The following NLGN4X variants were observed in gnomAD, a reference collection of about 807,000 sequenced individuals.
The protein encoded by NLGN4X is neuroligin-4, X-linked.
Under a neutral mutation model 40.3 loss-of-function variants are expected in NLGN4X, and 3 were observed. That is an observed-to-expected ratio of 0.07 (90% confidence interval 0.03 to 0.19). The LOEUF is 0.19. Among genes scored for constraint, NLGN4X ranks in the 10% least tolerant of loss-of-function variants. The pLI is 1.00. For synonymous variants in NLGN4X, 270 were observed against 306.8 expected, an observed-to-expected ratio of 0.88 and a Z score of 1.25; for missense variants, 382 against 708.3, an observed-to-expected ratio of 0.54 and a Z score of 5.23.
intron 3 of NLGN4X, among the ~76,000 whole-genome samples, chrX:5,972,977 T>C (rs1346099232): frequency 8.9e-6 from 1 of 112,368 alleles, no homozygotes; most frequent in East Asian, 2.8e-4. Context: ...TTTTTCAGAA[T>C]ATATAAAAGT....
intron 2 of NLGN4X, among the ~76,000 whole-genome samples, chrX:6,070,506 G>A (rs2038032800): frequency 9.0e-6 from 1 of 111,590 alleles, no homozygotes; most frequent in Non-Finnish European, 1.9e-5. Flanking sequence ...CACTTTGGGA[G>A]GTCTAGGTGG....
At chrX:6,088,471 A>G (rs369735870) in intron 2 of NLGN4X, among the ~76,000 whole-genome samples, 6 of 111,933 alleles carry the variant, frequency 5.4e-5, no homozygotes, top group East Asian at 2.8e-4. Flanking sequence ...AGTTTGTAAC[A>G]CTACCTGAGT....
intron 3 of NLGN4X, among the ~76,000 whole-genome samples, chrX:6,018,453 G>A (rs2036448356): frequency 8.9e-6 from 1 of 111,909 alleles, no homozygotes; most frequent in African/African-American, 3.3e-5. Context: ...GTGTTTCTCT[G>A]TGAGATCATG....
At chrX:5,944,082 T>C (rs1223950405) in intron 3 of NLGN4X, among the ~76,000 whole-genome samples, 1 of 111,998 alleles carries the variant, frequency 8.9e-6, no homozygotes, top group Admixed American at 9.5e-5. Context: ...GAAATGTCTG[T>C]TGTGTTATAA....
At chrX:5,901,118 T>C (rs1047547009) in intron 5 of NLGN4X, among the ~76,000 whole-genome samples, 11 of 111,516 alleles carry the variant, frequency 9.9e-5, no homozygotes, top group Admixed American at 1.9e-4. Flanking sequence ...GGTGATACCT[T>C]TTCCACTCCA....
At chrX:5,899,943 T>C (rs756825381) in intron 5 of NLGN4X, among the ~76,000 whole-genome samples, 1 of 112,189 alleles carries the variant, frequency 8.9e-6, no homozygotes, top group African/African-American at 3.2e-5. Context: ...AAAGAGAGTG[T>C]TTGCAGACCA....
intron 3 of NLGN4X, among the ~76,000 whole-genome samples, chrX:6,016,404 A>AC (rs1346336288): frequency 3.6e-5 from 4 of 111,725 alleles, no homozygotes; most frequent in African/African-American, 1.3e-4. Context: ...TCAAAAATAA[A>AC]CCCCCAAACA....
intron 2 of NLGN4X, among the ~76,000 whole-genome samples, chrX:6,035,879 C>T (rs977329332): frequency 6.3e-5 from 7 of 111,807 alleles, no homozygotes; most frequent in Admixed American, 5.7e-4. Context: ...TTTCTTTTCT[C>T]TAACTTAGTT....
chrX:6,064,988 T>C (rs1191790854), intron 2 of NLGN4X, among the ~76,000 whole-genome samples: 3 of 111,521 alleles, frequency 2.7e-5, no homozygotes, highest in Non-Finnish European at 5.6e-5. Context: ...TGGAGGCCAT[T>C]ATCTTAAGAG....
intron 1 of NLGN4X, among the ~76,000 whole-genome samples, chrX:6,175,655 G>GAAAAAAAAAAAAAAAAAAAAAAAAAAA (rs3045369): frequency 6.6e-5 from 4 of 60,993 alleles, no homozygotes; most frequent in African/African-American, 2.6e-4. Context: ...ATCTATTACA[G>GAAAAAAAAAAAAAAAAAAAAAAAAAAA]AAAAAAAAAA....
intron 2 of NLGN4X, among the ~76,000 whole-genome samples, chrX:6,127,760 G>A (rs2039592071): frequency 8.9e-6 from 1 of 112,319 alleles, no homozygotes; most frequent in Non-Finnish European, 1.9e-5. Context: ...ATGAAATTCT[G>A]ATACTTATAG....
intron 2 of NLGN4X, among the ~76,000 whole-genome samples, chrX:6,133,309 G>A (rs1220096355): frequency 9.0e-6 from 1 of 111,101 alleles, no homozygotes; most frequent in Non-Finnish European, 1.9e-5. Context: ...TGGCCACTGG[G>A]CTGACAGTGT....
At chrX:5,953,928 G>GA (rs1285458230) in intron 3 of NLGN4X, among the ~76,000 whole-genome samples, 2 of 111,496 alleles carry the variant, frequency 1.8e-5, no homozygotes, top group Non-Finnish European at 3.8e-5. Flanking sequence ...GAATTTGAAT[G>GA]AAAGTGCAGA....
intron 3 of NLGN4X, among the ~76,000 whole-genome samples, chrX:5,990,763 T>C (rs145741280): frequency 0.071 from 7,905 of 110,814 alleles, 697 homozygotes; most frequent in African/African-American, 0.24. Context: ...CTAAGTACGA[T>C]AGGTGGAGGG....
At chrX:6,025,149 A>C (rs976606489) in intron 3 of NLGN4X, among the ~76,000 whole-genome samples, 1 of 111,364 alleles carries the variant, frequency 9.0e-6, no homozygotes, top group Non-Finnish European at 1.9e-5. Context: ...ATCAGAAGAC[A>C]CTTCATGTAG....
chrX:6,218,673 A>T (rs1478871399), intron 1 of NLGN4X, among the ~76,000 whole-genome samples: 1 of 112,326 alleles, frequency 8.9e-6, no homozygotes, highest in Admixed American at 9.5e-5. Flanking sequence ...GAAATAAAGA[A>T]AAAAACCAAC....
chrX:6,199,140 C>T (rs866517272), intron 1 of NLGN4X, among the ~76,000 whole-genome samples: 3 of 111,484 alleles, frequency 2.7e-5, no homozygotes, highest in African/African-American at 9.8e-5. Flanking sequence ...TGGATATTTC[C>T]GGATGTGAAT....
At position 5,957,708 on chromosome X, in the gene NLGN4X, T is replaced by C. The variant is rs747684568; in HGVS notation, c.626-48469A>G. 5.4e-5 allele frequency among the ~76,000 whole-genome samples: 6 copies of C among 111,423 alleles called. No homozygotes were observed. In the East Asian group the frequency reaches 1.7e-3, roughly 32 times the overall value. Reference sequence around the variant, plus strand: ...TGTATTGCCTGGTGAATCTGAGAAATCAACGTGTAAGGAACTCACCAATTA... The same window carrying C: ...TGTATTGCCTGGTGAATCTGAGAAACCAACGTGTAAGGAACTCACCAATTA... On this transcript the variant is annotated intron_variant, in intron 3 of 5. Transcript: ENST00000381095.
At chrX:6,172,202 T>A (rs2040621174) in intron 1 of NLGN4X, among the ~76,000 whole-genome samples, 1 of 112,281 alleles carries the variant, frequency 8.9e-6, no homozygotes, top group Admixed American at 9.4e-5. Flanking sequence ...ATCTTCCCTA[T>A]ATATTTGTTC....
Sources: gnomAD v4.1 joint callset for allele counts (sites outside exome capture counted in the v4.1 genomes callset) on GRCh38, gnomAD v4.1.1 for gene constraint, MANE v1.5 for transcripts, NCBI Gene and HGNC (gene_info 2026-07-23, HGNC 2026-07-21) for gene names.